Variants in LRIG2 observed in about 807,000 individuals in gnomAD.
LRIG2 encodes leucine rich repeats and immunoglobulin like domains 2.
A neutral mutation model predicts 107.8 loss-of-function variants in LRIG2; 93 were observed. The observed-to-expected ratio is 0.86, with a 90% CI of 0.73 to 1.03. The LOEUF (loss-of-function observed/expected upper bound fraction) is 1.03, where lower values mean the gene tolerates loss of function less well. Ranked by LOEUF, LRIG2 falls within the 50% of genes least tolerant of loss-of-function variation. The pLI, the probability that LRIG2 is intolerant of heterozygous loss-of-function variation, is 0.00. For missense variants in LRIG2, 1,226 were observed against 1,296.0 expected (o/e 0.95, Z 0.83); for synonymous variants, 471 against 470.6 (o/e 1.00, Z -0.01).
At position 113,126,804 on chromosome 1, in the gene LRIG2, A is replaced by C. The variant is rs1346735044; in HGVS notation, c.*2703A>C. 6.1e-6 allele frequency: 1 copy of C among 163,792 alleles called. No individual in the cohort carries two copies. Among genetic ancestry groups the C allele is most frequent in the Non-Finnish European group, 1.5e-5 (1 of 68,128 alleles). The allele number at this position is 163,792 out of a possible 1,614,324, so 10.1% of individuals were successfully genotyped here. On this transcript the variant is annotated 3_prime_UTR_variant, in exon 18 of 18. Coordinates refer to ENST00000361127, the MANE Select transcript of LRIG2 (RefSeq NM_014813.3). The stretch of plus-strand genomic sequence containing the variant: ...CTTCTCAGCAACTCTTCTGTACTTC[A>C]CCTATAGTGCCTAGCAAATTGTTAT...
chr1:113,120,819 G>T (rs917212845), intron 17 of LRIG2, among the ~76,000 whole-genome samples: 2 of 140,088 alleles, frequency 1.4e-5, no homozygotes, highest in Non-Finnish European at 3.1e-5. Flanking sequence ...CTACTGAGAA[G>T]TTTTTTTTTT....
intron 8 of LRIG2, 129 bp from the exon 9 acceptor site, chr1:113,098,576 C>T (rs976750287): frequency 3.2e-6 from 2 of 626,828 alleles, no homozygotes; most frequent in Non-Finnish European, 5.8e-6. Context: ...GAGCCTTCAT[C>T]ATAAATAACT....
Position 113,100,222 on chromosome 1 carries a change from G to A in LRIG2, c.1184G>A (p.Gly395Glu). 6.3e-7 allele frequency: 1 copy of A among 1,576,698 alleles called. No individual in the cohort carries two copies. Among genetic ancestry groups the A allele is most frequent in the African/African-American group, 1.3e-5 (1 of 74,336 alleles). Reference protein sequence around the residue: ...LTSLTKLILQGNQIKSITKKA... With the variant: ...LTSLTKLILQENQIKSITKKA... ...TGTTTATATTTCAGAATCTTACAAG[G>A]AAACCAGATTAAGTCAATTACAAAG... Residue 395 changes from glycine to glutamate, a missense_variant, in exon 10 of 18, where the codon GGA (glycine) becomes GAA (glutamate). Gly to Glu is a moderately conservative substitution (Grantham distance 98). Transcript: ENST00000361127.
At chr1:113,120,450 A>C (rs186552968) in intron 17 of LRIG2, among the ~76,000 whole-genome samples, 3 of 152,108 alleles carry the variant, frequency 2.0e-5, no homozygotes, top group Non-Finnish European at 4.4e-5. Flanking sequence ...TCTGTCTCCA[A>C]AAAATAGTAA....
At position 113,093,150 on chromosome 1, in the gene LRIG2, C is replaced by T. The variant is rs1270538299; in HGVS notation, c.306-56C>T. ...ATATGTGTTAGCCAGAAGGTAGAATCCAAGAGGTAATATTTCCCTCACTAA... is the reference window on the plus strand; with the variant it reads ...ATATGTGTTAGCCAGAAGGTAGAATTCAAGAGGTAATATTTCCCTCACTAA... On this transcript the variant is annotated intron_variant, in intron 2 of 17. Transcript: ENST00000361127. 3.7e-6 allele frequency: 4 copies of T among 1,087,778 alleles called. No individual in the cohort carries two copies. The South Asian group carries it at 5.6e-5, about 15-fold the overall frequency. The allele number at this position is 1,087,778 out of a possible 1,614,324, so 67.4% of individuals were successfully genotyped here.
At chr1:113,099,562 T>G (rs184809459) in intron 9 of LRIG2, among the ~76,000 whole-genome samples, 6 of 152,210 alleles carry the variant, frequency 3.9e-5, no homozygotes, top group African/African-American at 1.4e-4. Context: ...TTTGTGTTTT[T>G]TTGTTGTTGT....
intron 1 of LRIG2, among the ~76,000 whole-genome samples, chr1:113,075,446 A>G (rs1652932211): frequency 6.6e-6 from 1 of 152,224 alleles, no homozygotes; most frequent in Admixed American, 6.6e-5. Flanking sequence ...ACTGCAGTGT[A>G]GTAAGATGCT....
rs778311971 is a variant in LRIG2 at position 113,100,297 on chromosome 1, T to C, written c.1244+15T>C. 247 of 1,573,372 alleles carry C rather than the reference T, an allele frequency of 1.6e-4. No individual in the cohort carries two copies. Among genetic ancestry groups the C allele is most frequent in the Non-Finnish European group, 2.0e-4 (232 of 1,149,402 alleles). On this transcript the variant is annotated intron_variant, in intron 10 of 17. Transcript: ENST00000361127. ...CTTGAGCATCTGTAAGTATTTTGCA[T>C]ACATTTTGCTTACTCTATAAATAAT...
chr1:113,089,707 A>T (rs575710462), intron 1 of LRIG2, among the ~76,000 whole-genome samples: 1 of 105,864 alleles, frequency 9.4e-6, no homozygotes, highest in Non-Finnish European at 1.8e-5. Flanking sequence ...TTGGAGACAG[A>T]GTCTTGCTTT....
rs141671010 is a variant in LRIG2 at position 113,100,448 on chromosome 1, A to G, written c.1273A>G (p.Ile425Val). The change falls in exon 11 of 18, where the codon ATC (isoleucine) becomes GTC (valine). Residue 425 changes from isoleucine (I) to valine (V), a missense_variant. Physicochemically the swap from Ile to Val is conservative, Grantham distance 29. Transcript: ENST00000361127. ...LDLNNNAIMS[I>V]QENAFSQTHL... ...TTTGAACAATAATGCTATAATGTCT[A>G]TCCAAGAAAATGCTTTTTCTCAGAC... 21 of 1,540,262 alleles carry G rather than the reference A, an allele frequency of 1.4e-5. No individual in the cohort carries two copies. Among genetic ancestry groups the G allele is most frequent in the Admixed American group, 3.4e-5 (2 of 58,560 alleles).
rs546063353 is a variant in LRIG2 at position 113,079,071 on chromosome 1, G to A, written c.239+5426G>A. Among the ~76,000 whole-genome samples the A allele has an allele frequency of 4.6e-5, 7 of 152,274 alleles. No individual in the cohort carries two copies. In the East Asian group the frequency reaches 1.2e-3, roughly 25 times the overall value. ...TTGAAAATGAGCCCTGTGACCTGGT[G>A]CGGTGGCTCACGCCTGTAATCCCAG... On this transcript the variant is annotated intron_variant, in intron 1 of 17. Coordinates refer to ENST00000361127, the MANE Select transcript of LRIG2 (RefSeq NM_014813.3).
At chr1:113,116,529 T>C in intron 16 of LRIG2, 93 bp downstream of exon 16, 3 of 1,251,024 alleles carry the variant, frequency 2.4e-6, no homozygotes, top group Non-Finnish European at 3.3e-6. Flanking sequence ...GAAGCAATAT[T>C]TTAAAGTAAG....
At position 113,084,213 on chromosome 1, in the gene LRIG2, C is replaced by CTTTTTTT. The variant is rs66711679; in HGVS notation, c.240-7093_240-7087dup. Reference sequence around the variant, plus strand: ...GAGGAAATCTGTGCTTTACTTAATTCTTTTTTTTTTTTTTTTTTCTGAGAC... The same window carrying CTTTTTTT: ...GAGGAAATCTGTGCTTTACTTAATTCTTTTTTTTTTTTTTTTTTTTTTTTTCTGAGAC... On this transcript the variant is annotated intron_variant, in intron 1 of 17. Transcript: ENST00000361127. Among the ~76,000 whole-genome samples the CTTTTTTT allele has an allele frequency of 4.1e-5, 5 of 120,912 alleles. 1 individual carries two copies. Among genetic ancestry groups the CTTTTTTT allele is most frequent in the Non-Finnish European group, 8.1e-5 (5 of 61,406 alleles). The allele number at this position is 120,912 out of a possible 152,430, so 79.3% of individuals were successfully genotyped here.
At chr1:113,100,983 TTGA>T (rs1408469774) in intron 11 of LRIG2, among the ~76,000 whole-genome samples, 1 of 152,210 alleles carries the variant, frequency 6.6e-6, no homozygotes, top group Non-Finnish European at 1.5e-5. Flanking sequence ...CCCTTTTTCA[TTGA>T]TGAGTTTTAA....
rs143659775 is a variant in LRIG2, at chr1:113,110,374, G to C, written c.1610G>C (p.Ser537Thr). 26 of 1,614,084 alleles carry C rather than the reference G, an allele frequency of 1.6e-5. No individual in the cohort carries two copies. The African/African-American group carries it at 2.9e-4, about 18-fold the overall frequency. Residue 537 changes from serine to threonine, a missense_variant, in exon 13 of 18, where the codon AGT becomes ACT. Ser to Thr is a moderately conservative substitution (Grantham distance 58). Around this residue, in one of 3 missense-constraint regions of LRIG2, gnomAD observed 642 missense variants for 712.2 expected, o/e 0.90. Transcript: ENST00000361127. ...ATGTCCACTGTGTGGCGCAAAGACA[G>C]TGAAATCCTGTATGACGTGGATACT... ...SPMSTVWRKD[S>T]EILYDVDTEN...
In LRIG2 at chr1:113,089,676, C is replaced by CTTTTTTTTTTTTTTTTT. The variant is rs35515644; in HGVS notation, c.240-1636_240-1620dup. ...ATTTCCTCTTACTGAAGGTGGATTG[C>CTTTTTTTTTTTTTTTTT]TTTTTTTTTTTTTTTTTTTTTTGGA... On this transcript the variant is annotated intron_variant, in intron 1 of 17. Transcript: ENST00000361127. Among the ~76,000 whole-genome samples the CTTTTTTTTTTTTTTTTT allele has an allele frequency of 2.8e-5, 2 of 71,674 alleles. 1 individual carries two copies. The allele number at this position is 71,674 out of a possible 152,430, so 47.0% of individuals were successfully genotyped here.
rs1175340991 is a variant in LRIG2, at chr1:113,125,957, T to G, written c.*1856T>G. The G allele has an allele frequency of 6.6e-6, 1 of 152,176 alleles. No homozygotes were observed. The highest frequency in any genetic ancestry group is 6.6e-5 in the Admixed American group (1 of 15,266). 9.4% of individuals were successfully genotyped at this position (152,176 alleles called of 1,614,324 possible). On this transcript the variant is annotated 3_prime_UTR_variant, in exon 18 of 18. Transcript: ENST00000361127. ...TTTCTAAAGTGACTGTTGTTTGGTG[T>G]TGGAGATGTTAACTGGGTTCTATTA...
At chr1:113,115,103 G>C (rs1654947666) in intron 15 of LRIG2, among the ~76,000 whole-genome samples, 1 of 152,174 alleles carries the variant, frequency 6.6e-6, no homozygotes, top group Admixed American at 6.5e-5. Context: ...GAAGAGCTGT[G>C]ATACATTACC....
intron 11 of LRIG2, among the ~76,000 whole-genome samples, chr1:113,105,492 G>C (rs770136708): frequency 1.3e-5 from 2 of 152,102 alleles, no homozygotes; most frequent in Non-Finnish European, 2.9e-5. Flanking sequence ...TACACCTCCT[G>C]TTATTGATGC....
Sources: gnomAD v4.1 joint callset for allele counts (sites outside exome capture counted in the v4.1 genomes callset) on GRCh38, gnomAD v4.1.1 for gene constraint, gnomAD v4.1.1 regional missense constraint, MANE v1.5 for transcripts, NCBI Gene and HGNC (gene_info 2026-07-23, HGNC 2026-07-21) for gene names.